Variants in ZGRF1 observed in about 807,000 individuals in gnomAD.
The protein encoded by ZGRF1 is 5'-3' DNA helicase ZGRF1.
A neutral mutation model predicts 203.5 loss-of-function variants in ZGRF1; 196 were observed. That is an observed-to-expected ratio of 0.96 (90% confidence interval 0.86 to 1.08). The LOEUF (loss-of-function observed/expected upper bound fraction) is 1.08, where lower values mean the gene tolerates loss of function less well. Ranked by LOEUF, ZGRF1 falls within the 50% of genes least tolerant of loss-of-function variation. The pLI is 0.00. For missense variants in ZGRF1, 2,326 were observed against 2,416.3 expected (o/e 0.96, Z 0.78); for synonymous variants, 809 against 841.3 (o/e 0.96, Z 0.66).
chr4:112,606,634 G>C (rs1488277868), intron 8 of ZGRF1, among the ~76,000 whole-genome samples: 3 of 147,190 alleles, frequency 2.0e-5, no homozygotes, highest in African/African-American at 7.6e-5. Context: ...CTCCAGCCTG[G>C]CCAACAAAGC....
intron 22 of ZGRF1, among the ~76,000 whole-genome samples, chr4:112,550,785 A>G (rs896939543): frequency 3.3e-5 from 5 of 152,284 alleles, no homozygotes; most frequent in Admixed American, 3.3e-4. Context: ...CCCAGGAAGC[A>G]GAGGTTGCAG....
intron 16 of ZGRF1, among the ~76,000 whole-genome samples, chr4:112,570,955 T>C (rs1274438055): frequency 6.6e-6 from 1 of 151,894 alleles, no homozygotes; most frequent in African/African-American, 2.4e-5. Context: ...ATACAAAAAG[T>C]TAGCTGGGTG....
chr4:112,594,319 T>C (rs1257513141), intron 10 of ZGRF1, among the ~76,000 whole-genome samples: 1 of 152,218 alleles, frequency 6.6e-6, no homozygotes, highest in Non-Finnish European at 1.5e-5. Context: ...GTAAATTTCA[T>C]AGTCTGTTTT....
chr4:112,565,274 C>T, intron 16 of ZGRF1: 2 of 1,559,178 alleles, frequency 1.3e-6, no homozygotes, highest in Non-Finnish European at 1.8e-6. Flanking sequence ...TTGCAGGAGG[C>T]AAGTGAGGCC....
In ZGRF1 at chr4:112,540,081, A is replaced by G. The variant is rs1331094124; in HGVS notation, c.5954T>C (p.Ile1985Thr). The change falls in exon 27 of 28, where the codon ATT (isoleucine) becomes ACT (threonine). Residue 1985 changes from isoleucine (I) to threonine (T), a missense_variant. By Grantham distance (89) the Ile-to-Thr change is moderately conservative. Transcript: ENST00000505019. ...LSAVDFHHPDIKTVQVSTVDA... is the reference protein window; with the variant it reads ...LSAVDFHHPDTKTVQVSTVDA... ...TACTGTGGACACCTGCACAGTTTTA[A>G]TATCAGGATGGTGAAAGTCCACAGC... 4.4e-6 allele frequency: 7 copies of G among 1,596,994 alleles called. No homozygotes were observed. In the South Asian group the frequency reaches 6.7e-5, roughly 15 times the overall value.
At chr4:112,591,391 C>T (rs1049071666) in intron 10 of ZGRF1, among the ~76,000 whole-genome samples, 1 of 152,104 alleles carries the variant, frequency 6.6e-6, no homozygotes, top group East Asian at 1.9e-4. Flanking sequence ...TACAGTATTC[C>T]GCTCTGTTCC....
chr4:112,573,198 A>C (rs969320048), intron 16 of ZGRF1, among the ~76,000 whole-genome samples: 4 of 150,234 alleles, frequency 2.7e-5, no homozygotes. Flanking sequence ...ACACACACAC[A>C]CACCCATGGA....
intron 6 of ZGRF1, among the ~76,000 whole-genome samples, chr4:112,613,860 G>A (rs186940404): frequency 6.6e-5 from 10 of 151,962 alleles, no homozygotes; most frequent in Admixed American, 2.6e-4. Context: ...TGATAATTAC[G>A]GTAAAAAATC....
chr4:112,554,023 T>G (rs554688871), intron 21 of ZGRF1, 41 bp from the exon 22 acceptor site: 2 of 1,543,496 alleles, frequency 1.3e-6, no homozygotes, highest in Non-Finnish European at 1.7e-6. Flanking sequence ...ATTCCATTTT[T>G]CATAACATCA....
intron 16 of ZGRF1, among the ~76,000 whole-genome samples, chr4:112,576,863 T>C (rs1003375752): frequency 6.6e-6 from 1 of 151,944 alleles, no homozygotes; most frequent in African/African-American, 2.4e-5. Context: ...TGCAGGATAT[T>C]ATCCAGGAAA....
chr4:112,596,574 G>A (rs370240740), intron 10 of ZGRF1, among the ~76,000 whole-genome samples: 4 of 151,908 alleles, frequency 2.6e-5, no homozygotes, highest in Non-Finnish European at 4.4e-5. Flanking sequence ...ACATGACAGC[G>A]AAATTTCAGA....
At chr4:112,600,392 C>T (rs1319769738) in intron 10 of ZGRF1, among the ~76,000 whole-genome samples, 1 of 152,088 alleles carries the variant, frequency 6.6e-6, no homozygotes, top group Non-Finnish European at 1.5e-5. Context: ...AAATAAATTA[C>T]ATTAAAAATG....
chr4:112,553,308 A>G (rs1740305429), intron 22 of ZGRF1, among the ~76,000 whole-genome samples: 2 of 152,174 alleles, frequency 1.3e-5, no homozygotes, highest in Admixed American at 6.6e-5. Flanking sequence ...AGATAGTGCT[A>G]CCTGTTACAG....
intron 16 of ZGRF1, among the ~76,000 whole-genome samples, chr4:112,568,538 G>A (rs1442383854): frequency 2.0e-5 from 3 of 150,038 alleles, no homozygotes; most frequent in Admixed American, 6.7e-5. Context: ...TGGTGAAACC[G>A]TGTCTCTACT....
intron 6 of ZGRF1, among the ~76,000 whole-genome samples, chr4:112,615,823 CAGGGTTTCATCATGTTGG>C (rs1291465047): frequency 6.7e-6 from 1 of 150,226 alleles, no homozygotes; most frequent in African/African-American, 2.4e-5. Flanking sequence ...TTAGTAGAGA[CAGGGTTTCATCATGTTGG>C]CCAGACTGGT....
At chr4:112,619,711 G>A in intron 5 of ZGRF1, 21 bp from the exon 6 acceptor site, 1 of 1,532,760 alleles carries the variant, frequency 6.5e-7, no homozygotes, top group Non-Finnish European at 8.8e-7. Flanking sequence ...TAAAATAACT[G>A]TTAGGTGTAC....
At position 112,581,681 on chromosome 4, in the gene ZGRF1, A is replaced by C; in HGVS notation, c.4420T>G (p.Ser1474Ala). The change falls in exon 16 of 28, where the codon TCT becomes GCT. Residue 1474 changes from serine (S) to alanine (A), a missense_variant. Ser to Ala is a moderately conservative substitution (Grantham distance 99). Coordinates refer to ENST00000505019, the MANE Select transcript of ZGRF1 (RefSeq NM_018392.5). ...LYLKLSRKER[S>A]SAYSKNDLWV... ...AACTTACTTTTGCTATAAGCTGAAG[A>C]TCTTTCCTTCCGACTTAGCTTAAGA... 1 of 1,580,542 alleles carries C rather than the reference A, an allele frequency of 6.3e-7. No individual in the cohort carries two copies.
intron 3 of ZGRF1, chr4:112,624,099 G>A (rs957210499): frequency 1.7e-5 from 6 of 360,288 alleles, no homozygotes; most frequent in African/African-American, 6.4e-5. Flanking sequence ...CAACCCGCTC[G>A]GGTCCCCTTC....
intron 16 of ZGRF1, among the ~76,000 whole-genome samples, chr4:112,574,843 T>C (rs1298535519): frequency 1.3e-5 from 2 of 152,184 alleles, no homozygotes; most frequent in South Asian, 2.1e-4. Flanking sequence ...CTGGCCAACA[T>C]GGTGAAACCC....
Sources: gnomAD v4.1 joint callset for allele counts (sites outside exome capture counted in the v4.1 genomes callset) on GRCh38, gnomAD v4.1.1 for gene constraint, MANE v1.5 for transcripts, NCBI Gene and HGNC (gene_info 2026-07-23, HGNC 2026-07-21) for gene names.